RGPD2: variants seen among roughly 807,000 people sequenced by gnomAD.
RGPD2 encodes RANBP2-like and GRIP domain-containing protein 2.
A neutral mutation model predicts 36.0 loss-of-function variants in RGPD2; 2 were observed. That is an observed-to-expected ratio of 0.06 (90% CI 0.02 to 0.17). The LOEUF (loss-of-function observed/expected upper bound fraction) is 0.17, where lower values mean the gene tolerates loss of function less well. RGPD2 is among the 10% of genes least tolerant of loss of function. The probability of loss-of-function intolerance (pLI) is 1.00; values close to 1 mark genes in which losing one functional copy is unlikely to be tolerated. For synonymous variants in RGPD2, 19 were observed against 163.8 expected, an observed-to-expected ratio of 0.12 and a Z score of 6.75; for missense variants, 40 against 464.3, an observed-to-expected ratio of 0.09 and a Z score of 8.40.
the RGPD2 span, among the ~76,000 whole-genome samples, chr2:87,978,281 C>A: frequency 6.6e-6 from 1 of 150,544 alleles, no homozygotes; most frequent in Non-Finnish European, 1.5e-5. Context: ...TTTTTAAAAT[C>A]TAATTTACAA....
chr2:87,984,394 C>T, the RGPD2 span, among the ~76,000 whole-genome samples: 1 of 151,676 alleles, frequency 6.6e-6, no homozygotes, highest in South Asian at 2.1e-4. Context: ...ACGAAAACAA[C>T]AGATTCACAA....
chr2:87,839,413 A>G, the RGPD2 span, among the ~76,000 whole-genome samples: 1 of 152,066 alleles, frequency 6.6e-6, no homozygotes. Flanking sequence ...CATTTGACCC[A>G]GCAATCCTAT....
At chr2:87,824,371 AGATAT>A (rs1686514403) in intron 1 of RGPD2, among the ~76,000 whole-genome samples, 1 of 152,062 alleles carries the variant, frequency 6.6e-6, no homozygotes. Context: ...AAGACTAGAA[AGATAT>A]GATATACAGA....
At chr2:87,866,913 G>A in the RGPD2 span, among the ~76,000 whole-genome samples, 9 of 152,274 alleles carry the variant, frequency 5.9e-5, no homozygotes, top group Non-Finnish European at 8.8e-5. Flanking sequence ...CGAGCCAGAG[G>A]AAGGATACAG....
At chr2:87,973,205 A>T in the RGPD2 span, 1 of 1,606,060 alleles carries the variant, frequency 6.2e-7, no homozygotes, top group East Asian at 2.2e-5. Flanking sequence ...GTTTCCTCCC[A>T]CCAGAGTGCC....
the RGPD2 span, among the ~76,000 whole-genome samples, chr2:87,919,570 C>A: frequency 2.7e-5 from 4 of 150,252 alleles, no homozygotes; most frequent in South Asian, 8.4e-4. Context: ...ATTCTTTCAG[C>A]AAAAGAATTG....
At chr2:87,924,470 G>A in the RGPD2 span, among the ~76,000 whole-genome samples, 2 of 151,938 alleles carry the variant, frequency 1.3e-5, no homozygotes, top group African/African-American at 2.4e-5. Context: ...AGACTTGGCT[G>A]CTGCAGCTGG....
the RGPD2 span, among the ~76,000 whole-genome samples, chr2:87,861,279 C>T: frequency 6.6e-6 from 1 of 151,040 alleles, no homozygotes; most frequent in South Asian, 2.1e-4. Context: ...TCTTTAATTG[C>T]CTGGGTTTTA....
At chr2:87,824,749 GCCGCC>G (rs1686569427) in intron 1 of RGPD2, among the ~76,000 whole-genome samples, 1 of 115,852 alleles carries the variant, frequency 8.6e-6, no homozygotes, top group Non-Finnish European at 1.9e-5. Context: ...CGAGGCCGCC[GCCGCC>G]GCCGCCGCCG....
chr2:87,961,601 C>A, the RGPD2 span, among the ~76,000 whole-genome samples: 1 of 147,786 alleles, frequency 6.8e-6, no homozygotes, highest in Non-Finnish European at 1.5e-5. Flanking sequence ...ACTCGGGAGG[C>A]TGAGGCACGA....
At chr2:87,983,688 G>A in the RGPD2 span, among the ~76,000 whole-genome samples, 12 of 144,146 alleles carry the variant, frequency 8.3e-5, no homozygotes, top group South Asian at 2.4e-4. Flanking sequence ...AGGTATGGAG[G>A]CAGGTGTAAT....
At chr2:87,866,637 GC>G in the RGPD2 span, among the ~76,000 whole-genome samples, 1 of 152,264 alleles carries the variant, frequency 6.6e-6, no homozygotes, top group Non-Finnish European at 1.5e-5. Flanking sequence ...GTGCATGGTG[GC>G]TCCCCTTCTC....
the RGPD2 span, among the ~76,000 whole-genome samples, chr2:87,956,127 TA>T: frequency 1.5e-5 from 2 of 130,394 alleles, no homozygotes; most frequent in Non-Finnish European, 3.2e-5. Context: ...TAGTTTATCA[TA>T]AAAAAGAGTA....
chr2:87,870,309 C>T, the RGPD2 span, among the ~76,000 whole-genome samples: 1 of 152,264 alleles, frequency 6.6e-6, no homozygotes, highest in Non-Finnish European at 1.5e-5. Flanking sequence ...GTCTATAGAC[C>T]AAAGTCTATA....
At chr2:87,985,693 A>T in the RGPD2 span, 1 of 1,494,056 alleles carries the variant, frequency 6.7e-7, no homozygotes, top group Non-Finnish European at 9.3e-7. Context: ...CATTAACAGA[A>T]TAACTCATAA....
the RGPD2 span, among the ~76,000 whole-genome samples, chr2:87,970,286 A>G: frequency 1.3e-5 from 2 of 151,834 alleles, no homozygotes; most frequent in Non-Finnish European, 2.9e-5. Flanking sequence ...TGCTCCAGAT[A>G]TTATATATGT....
the RGPD2 span, among the ~76,000 whole-genome samples, chr2:87,852,941 C>A: frequency 6.6e-6 from 1 of 152,080 alleles, no homozygotes; most frequent in Non-Finnish European, 1.5e-5. Flanking sequence ...AGAATATCAG[C>A]TACATAAAGC....
At chr2:87,825,148 G>C in intron 1 of RGPD2, 1 of 390,418 alleles carries the variant, frequency 2.6e-6, no homozygotes, top group Non-Finnish European at 4.5e-6. Context: ...CACAATCCTA[G>C]GTCTGCCCGC....
At chr2:87,966,263 A>C in the RGPD2 span, among the ~76,000 whole-genome samples, 13 of 151,958 alleles carry the variant, frequency 8.6e-5, no homozygotes, top group South Asian at 2.3e-3. Flanking sequence ...TGGCACAAAA[A>C]ATTATTTTGC....
Sources: gnomAD v4.1 joint callset for allele counts (sites outside exome capture counted in the v4.1 genomes callset) on GRCh38, gnomAD v4.1.1 for gene constraint, MANE v1.5 for transcripts, NCBI Gene and HGNC (gene_info 2026-07-23, HGNC 2026-07-21) for gene names.